Variants in C6orf58 observed in about 807,000 individuals in gnomAD.
C6orf58 encodes protein LEG1 homolog.
Under a neutral mutation model 37.0 loss-of-function variants are expected in C6orf58, and 30 were observed. The ratio of observed to expected loss-of-function variants is 0.81; its 90% CI spans 0.61 to 1.10. The LOEUF (loss-of-function observed/expected upper bound fraction) is 1.10, where lower values mean the gene tolerates loss of function less well. Among genes scored for constraint, C6orf58 ranks in the 50% least tolerant of loss-of-function variants. The pLI is 0.00. For missense variants in C6orf58, 368 were observed against 387.5 expected (o/e 0.95, Z 0.42); for synonymous variants, 143 against 134.1 (o/e 1.07, Z -0.46).
At chr6:127,579,315 T>C (rs187312260) in intron 2 of C6orf58, among the ~76,000 whole-genome samples, 16 of 152,272 alleles carry the variant, frequency 1.1e-4, no homozygotes, top group South Asian at 1.0e-3. Context: ...ATGAAAACAA[T>C]TTATACCACA....
intron 4 of C6orf58, among the ~76,000 whole-genome samples, chr6:127,583,631 T>A (rs1467161696): frequency 6.6e-6 from 1 of 152,102 alleles, no homozygotes. Flanking sequence ...TCCCTGAAGT[T>A]GTGCTGCAAA....
chr6:127,584,382 A>C (rs1021131581), intron 4 of C6orf58, among the ~76,000 whole-genome samples: 2 of 152,244 alleles, frequency 1.3e-5, no homozygotes, highest in Non-Finnish European at 2.9e-5. Context: ...GGATTATTTT[A>C]TCTCTTCCAT....
chr6:127,587,484 T>C (rs1281173513), intron 4 of C6orf58, among the ~76,000 whole-genome samples: 2 of 152,208 alleles, frequency 1.3e-5, no homozygotes, highest in African/African-American at 2.4e-5. Flanking sequence ...TTTAATATGA[T>C]TATTTTGGAA....
In C6orf58 at chr6:127,577,438, A is replaced by G. The variant is rs772315659; in HGVS notation, c.253A>G (p.Asn85Asp). ...AAAATTTGCACCAGATAATGAACAG[A>G]ATATTTTATGGGGGTTGCCTCTGCA... ...FAKFAPDNEQ[N>D]ILWGLPLQYG... The change falls in exon 1 of 6, where the codon AAT (asparagine) becomes GAT (aspartate). Residue 85 changes from asparagine (N) to aspartate (D), a missense_variant. Physicochemically the swap from Asn to Asp is conservative, Grantham distance 23. Coordinates refer to ENST00000329722, the MANE Select transcript of C6orf58 (RefSeq NM_001010905.3). 1.1e-5 allele frequency: 17 copies of G among 1,613,616 alleles called. No individual in the cohort carries two copies. Among genetic ancestry groups the G allele is most frequent in the Non-Finnish European group, 1.4e-5 (16 of 1,179,696 alleles).
chr6:127,587,184 G>T, intron 4 of C6orf58, among the ~76,000 whole-genome samples: 1 of 151,766 alleles, frequency 6.6e-6, no homozygotes, highest in African/African-American at 2.4e-5. Context: ...TTTATTTCTT[G>T]TGTCATTTTT....
At chr6:127,587,690 G>A (rs1170856748) in intron 4 of C6orf58, among the ~76,000 whole-genome samples, 2 of 152,104 alleles carry the variant, frequency 1.3e-5, no homozygotes, top group Non-Finnish European at 2.9e-5. Context: ...TGGCTCATTT[G>A]ACCTAGGAGT....
At chr6:127,588,649 T>G in intron 4 of C6orf58, among the ~76,000 whole-genome samples, 1 of 152,184 alleles carries the variant, frequency 6.6e-6, no homozygotes, top group East Asian at 1.9e-4. Flanking sequence ...CCACATTCTA[T>G]CTGATCATTA....
At chr6:127,577,744 C>T (rs910306419) in intron 1 of C6orf58, among the ~76,000 whole-genome samples, 5 of 152,232 alleles carry the variant, frequency 3.3e-5, no homozygotes, top group African/African-American at 1.2e-4. Context: ...CATCACATCT[C>T]ATCTATTGAG....
chr6:127,581,116 C>A, intron 3 of C6orf58, 66 bp from the exon 4 acceptor site: 1 of 704,882 alleles, frequency 1.4e-6, no homozygotes, highest in South Asian at 2.9e-5. Context: ...CTGAACATGA[C>A]TAAATTTCAG....
rs1041510822 is a variant in C6orf58 at position 127,578,545 on chromosome 6, A to G, written c.302-141A>G. 15 of 507,582 alleles carry G rather than the reference A, an allele frequency of 3.0e-5. No homozygotes were observed. The South Asian group carries it at 5.0e-4, about 17-fold the overall frequency. 31.4% of individuals were successfully genotyped at this position (507,582 alleles called of 1,614,324 possible). ...AAACTAAAAAATAAAAGATAAAAAA[A>G]GAATGATGGGAATACAAACACATAT... On this transcript the variant is annotated intron_variant, in intron 1 of 5. Transcript: ENST00000329722.
chr6:127,580,385 A>G lies in C6orf58; in HGVS notation c.509A>G (p.Tyr170Cys). The change falls in exon 3 of 6, where the codon TAT (tyrosine) becomes TGT (cysteine). Residue 170 changes from tyrosine (Y) to cysteine (C), a missense_variant. Physicochemically the swap from Tyr to Cys is radical, Grantham distance 194. Coordinates refer to ENST00000329722, the MANE Select transcript of C6orf58 (RefSeq NM_001010905.3). ...PPPKNERKFC[Y>C]DVSSCRSSFP... ...CCCAAGAATGAGAGGAAGTTTTGTTATGATGTTTCTAGCTGTCGTTCATCC... is the reference window on the plus strand; with the variant it reads ...CCCAAGAATGAGAGGAAGTTTTGTTGTGATGTTTCTAGCTGTCGTTCATCC... 1 of 1,613,184 alleles carries G rather than the reference A, an allele frequency of 6.2e-7. No homozygotes were observed. Among genetic ancestry groups the G allele is most frequent in the African/African-American group, 1.3e-5 (1 of 74,988 alleles).
intron 4 of C6orf58, 40 bp from the exon 5 acceptor site, chr6:127,590,047 T>G: frequency 7.2e-7 from 1 of 1,388,100 alleles, no homozygotes; most frequent in Non-Finnish European, 1.0e-6. Context: ...ACTTCTGAGG[T>G]GACTAATTAT....
At chr6:127,580,586 A>G in intron 3 of C6orf58, 137 bp downstream of exon 3, 1 of 620,888 alleles carries the variant, frequency 1.6e-6, no homozygotes. Flanking sequence ...TATTAATAGT[A>G]TATTGTAGAG....
At position 127,578,741 on chromosome 6, in the gene C6orf58, T is replaced by C. The variant is rs1332321718; in HGVS notation, c.357T>C (p.His119=). 2 of 1,612,856 alleles carry C rather than the reference T, an allele frequency of 1.2e-6. No homozygotes were observed. The highest frequency in any genetic ancestry group is 1.7e-6 in the Non-Finnish European group (2 of 1,179,072). ...RTNCGYESGD[H]MCISVDSWWA... ...ACTGTGGCTATGAATCTGGAGATCA[T>C]ATGTGCATCTCTGTGGACAGTTGGT... Residue 119 remains histidine (H), a synonymous_variant, in exon 2 of 6, where the codon CAT becomes CAC. Transcript: ENST00000329722.
intron 4 of C6orf58, 125 bp from the exon 5 acceptor site, chr6:127,589,962 C>T (rs747272448): frequency 7.4e-6 from 5 of 671,150 alleles, no homozygotes; most frequent in Non-Finnish European, 1.3e-5. Context: ...AATATCAAGC[C>T]TATTTTCTAA....
In C6orf58 at chr6:127,580,379, T is replaced by G. The variant is rs1583127855; in HGVS notation, c.503T>G (p.Phe168Cys). The part of the protein sequence containing the change: ...LLPPPKNERK[F>C]CYDVSSCRSS... ...CCCCCACCCAAGAATGAGAGGAAGT[T>G]TTGTTATGATGTTTCTAGCTGTCGT... The change falls in exon 3 of 6, where the codon TTT becomes TGT. Residue 168 changes from phenylalanine to cysteine, a missense_variant. Transcript: ENST00000329722. 1 of 1,613,136 alleles carries G rather than the reference T, an allele frequency of 6.2e-7. No homozygotes were observed. Among genetic ancestry groups the G allele is most frequent in the Non-Finnish European group, 8.5e-7 (1 of 1,179,308 alleles).
chr6:127,580,532 T>G, intron 3 of C6orf58, 83 bp downstream of exon 3: 3 of 1,014,856 alleles, frequency 3.0e-6, no homozygotes, highest in Non-Finnish European at 4.5e-6. Flanking sequence ...GTGCATTACA[T>G]AATATTTTCC....
chr6:127,583,731 A>G (rs867465423), intron 4 of C6orf58, among the ~76,000 whole-genome samples: 4 of 152,190 alleles, frequency 2.6e-5, no homozygotes, highest in Non-Finnish European at 5.9e-5. Flanking sequence ...AGGTTCTAGA[A>G]CATGGAAAAT....
rs771265974 is a variant in C6orf58 at position 127,581,177 on chromosome 6, C to T, written c.574-5C>T. 9.2e-6 allele frequency: 13 copies of T among 1,413,402 alleles called. No homozygotes were observed. The Admixed American group carries it at 2.7e-4, about 29-fold the overall frequency. The allele number at this position is 1,413,402 out of a possible 1,614,324, so 87.6% of individuals were successfully genotyped here. ...ATATTAATAAATTTGACCTCTTTAC[C>T]TTAGTATTTGCAGTCACCTTTTAGT... On this transcript the variant is annotated splice_polypyrimidine_tract_variant and splice_region_variant and intron_variant, in intron 3 of 5. Transcript: ENST00000329722.
Sources: allele counts gnomAD v4.1 joint callset (sites outside exome capture counted in the v4.1 genomes callset), GRCh38; gene constraint gnomAD v4.1.1; transcripts MANE v1.5; gene names NCBI Gene and HGNC (gene_info 2026-07-23, HGNC 2026-07-21).